The following SDK2 variants were observed in gnomAD, a reference collection of about 807,000 sequenced individuals.
The protein encoded by SDK2 is protein sidekick-2.
A neutral mutation model predicts 253.9 loss-of-function variants in SDK2; 105 were observed. The observed-to-expected ratio is 0.41, with a 90% CI of 0.35 to 0.49. SDK2 has a LOEUF of 0.49. Among genes scored for constraint, SDK2 ranks in the 20% least tolerant of loss-of-function variants. SDK2 has a pLI of 0.06. For synonymous variants in SDK2, 1,249 were observed against 1,234.9 expected (o/e 1.01, Z -0.24); for missense variants, 2,608 against 3,003.0 (o/e 0.87, Z 3.07).
chr17:73,543,176 C>T (rs534323604), intron 1 of SDK2, among the ~76,000 whole-genome samples: 5 of 152,270 alleles, frequency 3.3e-5, no homozygotes, highest in African/African-American at 1.2e-4. Context: ...ACTGGGGGCA[C>T]TCAGCTCCCT....
rs140755238 is a variant in SDK2 at position 73,343,374 on chromosome 17, C to T, written c.6166-4434G>A. On this transcript the variant is annotated intron_variant, in intron 44 of 44. Coordinates refer to ENST00000392650, the MANE Select transcript of SDK2 (RefSeq NM_001144952.2). ...GCTTTGCATCAGCGACTGCTGCTCC[C>T]GCCTCCATCTCCCTGAACATCTGTT... 3.3e-5 allele frequency among the ~76,000 whole-genome samples: 5 copies of T among 152,366 alleles called. 1 individual carries two copies. The East Asian group carries it at 9.7e-4, about 29-fold the overall frequency.
At chr17:73,369,806 C>T (rs567520002) in intron 36 of SDK2, among the ~76,000 whole-genome samples, 8 of 152,282 alleles carry the variant, frequency 5.3e-5, no homozygotes, top group African/African-American at 1.9e-4. Context: ...CCACCACGCC[C>T]GGCTAATTTT....
chr17:73,558,531 G>A (rs555017980), intron 1 of SDK2, among the ~76,000 whole-genome samples: 2 of 152,310 alleles, frequency 1.3e-5, no homozygotes, highest in South Asian at 4.1e-4. Context: ...ACTTTAAAAT[G>A]TTCAAGCACT....
intron 5 of SDK2, among the ~76,000 whole-genome samples, chr17:73,446,493 T>C (rs761542435): frequency 2.3e-4 from 35 of 152,098 alleles, no homozygotes; most frequent in Admixed American, 4.6e-4. Context: ...CCTGGGATAA[T>C]GGGAAGCGGT....
rs768617630 is a variant in SDK2, at chr17:73,618,339, G to A, written c.64+25686C>T. ...ATGCCAACTGGCCTCTCCCCATGGA[G>A]AGGGAGAGCTCGCTGTGCCTGTGGA... On this transcript the variant is annotated intron_variant, in intron 1 of 44. Transcript: ENST00000392650. The surrounding 1 kb of genome is among the most constrained non-coding windows in gnomAD (Gnocchi z 4.1). Among the ~76,000 whole-genome samples, 1 of 152,208 alleles carries A rather than the reference G, an allele frequency of 6.6e-6. No homozygotes were observed. Among genetic ancestry groups the A allele is most frequent in the Non-Finnish European group, 1.5e-5 (1 of 68,040 alleles).
Position 73,637,759 on chromosome 17 carries a change from A to C in SDK2, c.64+6266T>G, listed in dbSNP as rs1487865354. 2.0e-5 allele frequency among the ~76,000 whole-genome samples: 3 copies of C among 152,222 alleles called. No homozygotes were observed. The East Asian group carries it at 5.8e-4, about 29-fold the overall frequency. On this transcript the variant is annotated intron_variant, in intron 1 of 44. Coordinates refer to ENST00000392650, the MANE Select transcript of SDK2 (RefSeq NM_001144952.2). ...GGACCTTGTGTATTTCAAATGGTACATCCATGTATGAATGGCATTACCCCC... is the reference window on the plus strand; with the variant it reads ...GGACCTTGTGTATTTCAAATGGTACCTCCATGTATGAATGGCATTACCCCC...
At chr17:73,425,142 C>G (rs928979347) in intron 12 of SDK2, among the ~76,000 whole-genome samples, 2 of 152,112 alleles carry the variant, frequency 1.3e-5, no homozygotes, top group East Asian at 3.9e-4. Flanking sequence ...ATCACTTGAA[C>G]CCGGGAAGTG....
intron 32 of SDK2, among the ~76,000 whole-genome samples, chr17:73,384,640 C>T (rs760840117): frequency 3.9e-5 from 6 of 152,098 alleles, no homozygotes; most frequent in African/African-American, 9.7e-5. Context: ...GCCAACATGG[C>T]GAAACCCCGT....
chr17:73,538,780 C>T (rs188728195), intron 1 of SDK2, among the ~76,000 whole-genome samples: 1 of 152,170 alleles, frequency 6.6e-6, no homozygotes, highest in African/African-American at 2.4e-5. Context: ...ACAGCCATTT[C>T]GTCTCAGCCT....
At chr17:73,576,063 G>A (rs1338084590) in intron 1 of SDK2, among the ~76,000 whole-genome samples, 1 of 152,212 alleles carries the variant, frequency 6.6e-6, no homozygotes, top group Non-Finnish European at 1.5e-5. Flanking sequence ...AGGGCAACTA[G>A]GTTCCTATTG....
intron 2 of SDK2, among the ~76,000 whole-genome samples, chr17:73,497,328 G>A (rs1469490423): frequency 1.3e-5 from 2 of 152,138 alleles, no homozygotes; most frequent in Non-Finnish European, 2.9e-5. Context: ...TCTAGGTTTT[G>A]TTCTGCCAGG....
chr17:73,569,691 A>G (rs2045356925), intron 1 of SDK2, among the ~76,000 whole-genome samples: 1 of 150,900 alleles, frequency 6.6e-6, no homozygotes, highest in African/African-American at 2.4e-5. Flanking sequence ...TCTGATGTGG[A>G]TTGAAAGTCA....
At chr17:73,380,339 C>T in intron 34 of SDK2, among the ~76,000 whole-genome samples, 1 of 152,160 alleles carries the variant, frequency 6.6e-6, no homozygotes, top group Non-Finnish European at 1.5e-5. Flanking sequence ...GCACGAAACC[C>T]TCTTGCCTAA....
intron 27 of SDK2, among the ~76,000 whole-genome samples, chr17:73,393,242 CAAAAAAAAAAA>C (rs11443969): frequency 2.3e-5 from 2 of 85,544 alleles, no homozygotes; most frequent in African/African-American, 8.6e-5. Context: ...GATACTCTAT[CAAAAAAAAAAA>C]AAAAAAAAAA....
At position 73,415,923 on chromosome 17, in the gene SDK2, C is replaced by T. The variant is rs777143185; in HGVS notation, c.2256G>A (p.Leu752=). 42 of 1,610,256 alleles carry T rather than the reference C, an allele frequency of 2.6e-5. No individual in the cohort carries two copies. In the South Asian group the frequency reaches 4.6e-4, roughly 17 times the overall value. Residue 752 remains leucine (L), a synonymous_variant, in exon 17 of 45, where the codon CTG becomes CTA. Coordinates refer to ENST00000392650, the MANE Select transcript of SDK2 (RefSeq NM_001144952.2). ...KNITDADVNN[L]LLEDLIIWTN... is the part of the protein sequence containing the mutation. ...TCCAAATGATGAGATCCTCCAGCAG[C>T]AGGTTGTTCACATCAGCATCCGTGA...
intron 31 of SDK2, 32 bp from the exon 32 acceptor site, chr17:73,385,949 G>T: frequency 6.5e-7 from 1 of 1,535,632 alleles, no homozygotes. Flanking sequence ...TGGGTTCTGG[G>T]GGCCGCAGCT....
chr17:73,450,404 C>T (rs985680642), intron 4 of SDK2, among the ~76,000 whole-genome samples: 7 of 152,216 alleles, frequency 4.6e-5, no homozygotes, highest in Admixed American at 3.3e-4. Flanking sequence ...CTTCCCACCC[C>T]GCAGACCGGG....
At chr17:73,394,427 T>C (rs893605853) in intron 25 of SDK2, 103 bp from the exon 26 acceptor site, 1 of 604,790 alleles carries the variant, frequency 1.7e-6, no homozygotes, top group Admixed American at 3.5e-5. Flanking sequence ...CAGCTCGATG[T>C]TGCCTCTCTA....
chr17:73,500,434 ATCCATCCTCCCTCCATCTCC>A (rs1156648173), intron 2 of SDK2, among the ~76,000 whole-genome samples: 9 of 83,914 alleles, frequency 1.1e-4, no homozygotes, highest in African/African-American at 4.3e-4. Flanking sequence ...ATCATCCTCC[ATCCATCCTCCCTCCATCTCC>A]TCCATCCTCC....
Sources: gnomAD v4.1 joint callset for allele counts (sites outside exome capture counted in the v4.1 genomes callset) on GRCh38, gnomAD v4.1.1 for gene constraint, Gnocchi (gnomAD v3.1) non-coding constraint, MANE v1.5 for transcripts, NCBI Gene and HGNC (gene_info 2026-07-23, HGNC 2026-07-21) for gene names.